Variants in SLC43A1 observed in about 807,000 individuals in gnomAD.
SLC43A1 encodes solute carrier family 43 member 1.
SLC43A1 carries 31 observed loss-of-function variants against 59.5 expected under a neutral mutation model. The observed-to-expected ratio is 0.52, with a 90% confidence interval of 0.39 to 0.70. The LOEUF (loss-of-function observed/expected upper bound fraction) is 0.70, where lower values mean the gene tolerates loss of function less well. Among genes scored for constraint, SLC43A1 ranks in the 30% least tolerant of loss-of-function variants. The pLI, the probability that SLC43A1 is intolerant of heterozygous loss-of-function variation, is 0.00. For synonymous variants in SLC43A1, 259 were observed against 290.9 expected, an observed-to-expected ratio of 0.89 and a Z score of 1.12; for missense variants, 598 against 717.8, an observed-to-expected ratio of 0.83 and a Z score of 1.91.
Position 57,491,741 on chromosome 11 carries a change from G to A in SLC43A1, c.993C>T (p.Tyr331=). The A allele has an allele frequency of 6.2e-7, 1 of 1,614,230 alleles. No individual in the cohort carries two copies. The highest frequency in any genetic ancestry group is 8.5e-7 in the Non-Finnish European group (1 of 1,180,044). The change falls in exon 9 of 15, where the codon TAC becomes TAT. Residue 331 remains tyrosine, a synonymous_variant. Transcript: ENST00000278426. ...YMAAVNKMLE[Y]LVTGGQEHET... is the part of the protein sequence containing the mutation. ...CATGCTCCTGGCCACCAGTCACAAG[G>A]TACTCCAGCATCTTGTTCACAGCAG...
At chr11:57,492,645 A>G (rs1471858989) in intron 8 of SLC43A1, among the ~76,000 whole-genome samples, 46 of 129,560 alleles carry the variant, frequency 3.6e-4, no homozygotes, top group East Asian at 9.1e-4. Context: ...CAGGAGGATC[A>G]CTTGAGCCCA....
At position 57,491,278 on chromosome 11, in the gene SLC43A1, C is replaced by A. The variant is rs371253920; in HGVS notation, c.1139G>T (p.Arg380Leu). 6.2e-7 allele frequency: 1 copy of A among 1,611,312 alleles called. No homozygotes were observed. Among genetic ancestry groups the A allele is most frequent in the Non-Finnish European group, 8.5e-7 (1 of 1,178,532 alleles). Residue 380 changes from arginine to leucine, a missense_variant, in exon 11 of 15, where the codon CGG becomes CTG. Coordinates refer to ENST00000278426, the MANE Select transcript of SLC43A1 (RefSeq NM_003627.6). ...TGGGGCGTCCACGCAGTCCTTGATCCGCCAGTCCATGATGTAGCCAATGAG... is the reference window on the plus strand; with the variant it reads ...TGGGGCGTCCACGCAGTCCTTGATCAGCCAGTCCATGATGTAGCCAATGAG... The part of the protein sequence containing the change: ...CPLIGYIMDW[R>L]IKDCVDAPTQ...
chr11:57,498,338 G>A (rs1263888529), intron 5 of SLC43A1, among the ~76,000 whole-genome samples: 1 of 152,124 alleles, frequency 6.6e-6, no homozygotes, highest in Non-Finnish European at 1.5e-5. Flanking sequence ...CTACTCCAGA[G>A]GCTGAGGCAG....
chr11:57,511,319 T>G (rs1944538995), intron 2 of SLC43A1, among the ~76,000 whole-genome samples: 1 of 151,716 alleles, frequency 6.6e-6, no homozygotes, highest in African/African-American at 2.4e-5. Context: ...TCCCAACTAT[T>G]CTGGAGGCTG....
At chr11:57,508,698 G>T (rs1457770486) in intron 2 of SLC43A1, among the ~76,000 whole-genome samples, 1 of 152,202 alleles carries the variant, frequency 6.6e-6, no homozygotes, top group Non-Finnish European at 1.5e-5. Flanking sequence ...GGAGGCTGAG[G>T]TGGGAAGATC....
intron 2 of SLC43A1, 40 bp from the exon 3 acceptor site, chr11:57,501,369 G>C: frequency 1.3e-6 from 2 of 1,596,732 alleles, no homozygotes; most frequent in Non-Finnish European, 1.7e-6. Context: ...ATGACACCAG[G>C]AACAGCTGGG....
intron 13 of SLC43A1, 124 bp from the exon 14 acceptor site, chr11:57,487,342 T>C: frequency 8.3e-7 from 1 of 1,201,220 alleles, no homozygotes; most frequent in Non-Finnish European, 1.1e-6. Context: ...GCGTTCGGGC[T>C]CTTTGCATGG....
At chr11:57,502,644 G>T (rs1232864670) in intron 2 of SLC43A1, among the ~76,000 whole-genome samples, 1 of 152,144 alleles carries the variant, frequency 6.6e-6, no homozygotes, top group African/African-American at 2.4e-5. Flanking sequence ...GCCAAGGTGG[G>T]TGCATCTCTT....
intron 2 of SLC43A1, 25 bp downstream of exon 2, chr11:57,513,933 C>A: frequency 8.7e-7 from 1 of 1,150,466 alleles, no homozygotes; most frequent in Non-Finnish European, 1.3e-6. Context: ...TCCCCCCAGC[C>A]CACCCAGCCC....
intron 13 of SLC43A1, 72 bp downstream of exon 13, chr11:57,488,844 C>T (rs1452815457): frequency 2.6e-5 from 36 of 1,370,646 alleles, no homozygotes; most frequent in Non-Finnish European, 3.7e-5. Context: ...CTGGGGCCCT[C>T]CCAACCCTTC....
intron 2 of SLC43A1, among the ~76,000 whole-genome samples, chr11:57,510,457 C>CA (rs61412196): frequency 0.17 from 4,332 of 25,634 alleles, 880 homozygotes; most frequent in Middle Eastern, 0.27. Context: ...GACTCCATCT[C>CA]AAAAAAAAAA....
In SLC43A1 at chr11:57,491,379, G is replaced by A; in HGVS notation, c.1055-17C>T. ...AGAACCCAACTGGGCAGGATGGGAA[G>A]GGCAGTGGGGTCAGGAACTGGCACT... On this transcript the variant is annotated splice_polypyrimidine_tract_variant and intron_variant, in intron 10 of 14. Coordinates refer to ENST00000278426, the MANE Select transcript of SLC43A1 (RefSeq NM_003627.6). 1 of 1,577,432 alleles carries A rather than the reference G, an allele frequency of 6.3e-7. No homozygotes were observed. Among genetic ancestry groups the A allele is most frequent in the East Asian group, 2.2e-5 (1 of 44,508 alleles).
At chr11:57,506,403 G>C (rs1308749420) in intron 2 of SLC43A1, among the ~76,000 whole-genome samples, 2 of 152,194 alleles carry the variant, frequency 1.3e-5, no homozygotes, top group Non-Finnish European at 2.9e-5. Context: ...AGGTGTGGTG[G>C]TGTGCACCTG....
In SLC43A1 at chr11:57,514,951, C is replaced by T. The variant is rs2135239924; in HGVS notation, c.-14+493G>A. The T allele has an allele frequency of 3.1e-6, 3 of 967,276 alleles. No homozygotes were observed. Among genetic ancestry groups the T allele is most frequent in the South Asian group, 9.6e-5 (2 of 20,928 alleles). 59.9% of individuals were successfully genotyped at this position (967,276 alleles called of 1,614,324 possible). On this transcript the variant is annotated intron_variant, in intron 1 of 14. Transcript: ENST00000278426. This position sits in a 1 kb window ranked among gnomAD's most constrained non-coding sequence, Gnocchi z 5.5. The stretch of plus-strand genomic sequence containing the variant: ...GTGTTTACCAAAGGGAGGGAAAGAG[C>T]CCCAGCTCCCCCCGCCGCGGCCGCT...
intron 8 of SLC43A1, among the ~76,000 whole-genome samples, chr11:57,492,972 G>A (rs901117025): frequency 3.9e-5 from 6 of 151,968 alleles, no homozygotes; most frequent in African/African-American, 9.7e-5. Flanking sequence ...CCCGGGAGGC[G>A]GAGGTTGCAG....
rs776896134 is a variant in SLC43A1, at chr11:57,485,215, G to A, written c.1561C>T (p.Leu521Phe). 1 of 1,613,762 alleles carries A rather than the reference G, an allele frequency of 6.2e-7. No homozygotes were observed. The highest frequency in any genetic ancestry group is 8.5e-7 in the Non-Finnish European group (1 of 1,179,844). The stretch of plus-strand genomic sequence containing the variant: ...TAGGAAGGCAACAGGAATCCCAGGA[G>A]TGAGAATAGCAGGAGGCCCAGATTC... ...WVNLGLLLFSLLGFLLPSYLF... is the reference protein window; with the variant it reads ...WVNLGLLLFSFLGFLLPSYLF... Residue 521 changes from leucine (L) to phenylalanine (F), a missense_variant, in exon 15 of 15, where the codon CTC becomes TTC. Coordinates refer to ENST00000278426, the MANE Select transcript of SLC43A1 (RefSeq NM_003627.6).
intron 8 of SLC43A1, among the ~76,000 whole-genome samples, chr11:57,492,317 G>A (rs1943932458): frequency 7.2e-6 from 1 of 139,016 alleles, no homozygotes; most frequent in Admixed American, 7.5e-5. Context: ...GCCAGGCATG[G>A]TGGTGCACAC....
intron 14 of SLC43A1, 68 bp downstream of exon 14, chr11:57,487,027 A>G (rs1229372487): frequency 1.9e-6 from 3 of 1,555,722 alleles, no homozygotes; most frequent in Middle Eastern, 2.1e-4. Context: ...ATGGCACCAC[A>G]TACAAGGCCC....
intron 5 of SLC43A1, among the ~76,000 whole-genome samples, chr11:57,500,119 A>G (rs1944213818): frequency 6.6e-6 from 1 of 152,166 alleles, no homozygotes; most frequent in South Asian, 2.1e-4. Context: ...ACGCGTTTAC[A>G]CACTCACATA....
Sources: allele counts gnomAD v4.1 joint callset (sites outside exome capture counted in the v4.1 genomes callset), GRCh38; gene constraint gnomAD v4.1.1; non-coding constraint Gnocchi (gnomAD v3.1); transcripts MANE v1.5; gene names NCBI Gene and HGNC (gene_info 2026-07-23, HGNC 2026-07-21).